Variants in RPS6KA2 observed in about 807,000 individuals in gnomAD.
RPS6KA2 encodes the protein ribosomal protein S6 kinase alpha-2.
In RPS6KA2, 42 loss-of-function variants were observed where a neutral mutation model predicts 91.8. The observed-to-expected ratio is 0.46, with a 90% CI of 0.36 to 0.59. The LOEUF (loss-of-function observed/expected upper bound fraction) is 0.59. Ranked by LOEUF, RPS6KA2 falls within the 20% of genes least tolerant of loss-of-function variation. The pLI, the probability that RPS6KA2 is intolerant of heterozygous loss-of-function variation, is 0.00. For missense variants in RPS6KA2, 798 were observed against 978.5 expected, an observed-to-expected ratio of 0.82 and a Z score of 2.46; for synonymous variants, 414 against 393.6, an observed-to-expected ratio of 1.05 and a Z score of -0.61.
chr6:166,418,148 T>TC lies in RPS6KA2; in HGVS notation c.1938+76dup. ...ACCTATACTACTTACATAAAACCTA[T>TC]CCCCTGGCTTCCTCAGAAATCATAT... is the stretch of plus-strand genomic sequence containing the variant. On this transcript the variant is annotated intron_variant, in intron 19 of 20. Transcript: ENST00000265678. This position sits in a 1 kb window ranked among gnomAD's most constrained non-coding sequence, Gnocchi z 4.9. 5 of 957,958 alleles carry TC rather than the reference T, an allele frequency of 5.2e-6. No homozygotes were observed. Among genetic ancestry groups the TC allele is most frequent in the South Asian group, 4.3e-5 (3 of 70,158 alleles). 59.3% of individuals were successfully genotyped at this position (957,958 alleles called of 1,614,324 possible).
chr6:166,724,326 G>A (rs1000237573), intron 2 of RPS6KA2, among the ~76,000 whole-genome samples: 4 of 151,856 alleles, frequency 2.6e-5, no homozygotes, highest in African/African-American at 7.3e-5. Context: ...ATTTATGGAG[G>A]TCCACGGCAG....
chr6:166,533,998 G>A lies in RPS6KA2; in HGVS notation c.217-2685C>T, dbSNP rs112951973. 0.05 allele frequency among the ~76,000 whole-genome samples: 7,557 copies of A among 152,014 alleles called. 601 individuals are homozygous for A. The highest frequency in any genetic ancestry group is 0.17 in the African/African-American group (7,150 of 41,438). ...AGCACTTTGGGAGGCCGAGGCGGGC[G>A]GATCACGAGGTCAGGAGATTGAGAC... On this transcript the variant is annotated intron_variant, in intron 2 of 20. Transcript: ENST00000265678. This position sits in a 1 kb window ranked among gnomAD's most constrained non-coding sequence, Gnocchi z 4.0.
intron 13 of RPS6KA2, among the ~76,000 whole-genome samples, chr6:166,449,832 CACCACGGGACA>C (rs1324579830): frequency 1.6e-5 from 2 of 126,124 alleles, no homozygotes. Context: ...CCACAGGGAC[CACCACGGGACA>C]ACCACGAGGA....
intron 12 of RPS6KA2, among the ~76,000 whole-genome samples, chr6:166,457,844 C>T (rs1780152749): frequency 6.6e-6 from 1 of 152,214 alleles, no homozygotes; most frequent in Admixed American, 6.5e-5. Flanking sequence ...ACTTCATCTA[C>T]CTGACATTTT....
At chr6:166,771,413 C>A (rs1778469656) in intron 2 of RPS6KA2, among the ~76,000 whole-genome samples, 1 of 152,210 alleles carries the variant, frequency 6.6e-6, no homozygotes, top group Admixed American at 6.5e-5. Flanking sequence ...AGGGCTTAAA[C>A]CCGGAAGCGC....
At chr6:166,834,662 G>A (rs1031632411) in intron 2 of RPS6KA2, among the ~76,000 whole-genome samples, 1 of 152,000 alleles carries the variant, frequency 6.6e-6, no homozygotes, top group Non-Finnish European at 1.5e-5. Context: ...ATTTTTATTG[G>A]GTGGTTGTCT....
At chr6:166,681,015 C>G (rs920583460) in intron 2 of RPS6KA2, among the ~76,000 whole-genome samples, 1 of 152,218 alleles carries the variant, frequency 6.6e-6, no homozygotes, top group Admixed American at 6.5e-5. Context: ...ACAGCAGCCG[C>G]TTGTCTCTCC....
intron 1 of RPS6KA2, among the ~76,000 whole-genome samples, chr6:166,549,153 A>C (rs1413089166): frequency 6.6e-6 from 1 of 152,188 alleles, no homozygotes; most frequent in African/African-American, 2.4e-5. Context: ...TTGCTAAAAT[A>C]AAAAAATAGT....
chr6:166,824,554 ATG>A (rs754466086), intron 2 of RPS6KA2, among the ~76,000 whole-genome samples: 2 of 151,590 alleles, frequency 1.3e-5, no homozygotes, highest in African/African-American at 4.8e-5. Context: ...GTGTGTCTAT[ATG>A]TGTGTGTCTA....
At chr6:166,566,106 T>G (rs999177680) in intron 1 of RPS6KA2, among the ~76,000 whole-genome samples, 1 of 152,046 alleles carries the variant, frequency 6.6e-6, no homozygotes, top group African/African-American at 2.4e-5. Flanking sequence ...CAGTGTGAGG[T>G]GTGTGACAGC....
rs1239869493 is a variant in RPS6KA2, at chr6:166,413,871, G to T, written c.1999C>A (p.Leu667Ile). Reference sequence around the variant, plus strand: ...CTGTTGACCACCCACGGGTGTTTGAGCACTTGCATCGCCGTCAGGCGCTGA... The same window carrying T: ...CTGTTGACCACCCACGGGTGTTTGATCACTTGCATCGCCGTCAGGCGCTGA... ...PHQRLTAMQV[L>I]KHPWVVNREY... is the part of the protein sequence containing the mutation. Residue 667 changes from leucine to isoleucine, a missense_variant, in exon 20 of 21, where the codon CTC becomes ATC. By Grantham distance (5) the Leu-to-Ile change is conservative. Coordinates refer to ENST00000265678, the MANE Select transcript of RPS6KA2 (RefSeq NM_021135.6). 2 of 1,614,032 alleles carry T rather than the reference G, an allele frequency of 1.2e-6. No individual in the cohort carries two copies. The highest frequency in any genetic ancestry group is 2.7e-5 in the African/African-American group (2 of 74,944).
intron 2 of RPS6KA2, among the ~76,000 whole-genome samples, chr6:166,826,517 T>C (rs1780051873): frequency 6.6e-6 from 1 of 152,242 alleles, no homozygotes; most frequent in African/African-American, 2.4e-5. Context: ...CACACCTCCT[T>C]GCAGACAACT....
chr6:166,611,362 C>T (rs553058999), intron 1 of RPS6KA2, among the ~76,000 whole-genome samples: 4 of 152,316 alleles, frequency 2.6e-5, no homozygotes, highest in Non-Finnish European at 5.9e-5. Context: ...GTATCACTAG[C>T]CTGTAGCTGC....
At chr6:166,471,050 C>T (rs190632470) in intron 10 of RPS6KA2, among the ~76,000 whole-genome samples, 4 of 152,270 alleles carry the variant, frequency 2.6e-5, no homozygotes, top group East Asian at 3.9e-4. Context: ...CCCTGGGGCC[C>T]GGCTCCCCTG....
intron 2 of RPS6KA2, among the ~76,000 whole-genome samples, chr6:166,687,582 C>G (rs1393916422): frequency 6.6e-6 from 1 of 152,190 alleles, no homozygotes; most frequent in Non-Finnish European, 1.5e-5. Context: ...AGCCAGCTGA[C>G]TCCACTCTAT....
intron 3 of RPS6KA2, among the ~76,000 whole-genome samples, chr6:166,513,738 A>T (rs929654480): frequency 2.6e-5 from 4 of 152,244 alleles, no homozygotes; most frequent in Non-Finnish European, 4.4e-5. Context: ...GAGAGGGGCC[A>T]TGAATGGAAA....
At chr6:166,798,091 G>A (rs904779944) in intron 2 of RPS6KA2, among the ~76,000 whole-genome samples, 6 of 152,190 alleles carry the variant, frequency 3.9e-5, no homozygotes, top group African/African-American at 4.8e-5. Flanking sequence ...GAGCAAAATC[G>A]AATATGCGAT....
chr6:166,785,094 ATCTG>A (rs1778895858), intron 2 of RPS6KA2, among the ~76,000 whole-genome samples: 1 of 152,218 alleles, frequency 6.6e-6, no homozygotes. Flanking sequence ...GCGTCTACCT[ATCTG>A]TCTGCATCTT....
intron 2 of RPS6KA2, among the ~76,000 whole-genome samples, chr6:166,854,067 A>G (rs1583181447): frequency 1.3e-5 from 2 of 152,324 alleles, no homozygotes; most frequent in South Asian, 2.1e-4. Context: ...TCAGAATATG[A>G]AGGATGCCTG....
Sources: allele counts gnomAD v4.1 joint callset (sites outside exome capture counted in the v4.1 genomes callset), GRCh38; gene constraint gnomAD v4.1.1; non-coding constraint Gnocchi (gnomAD v3.1); transcripts MANE v1.5; gene names NCBI Gene and HGNC (gene_info 2026-07-23, HGNC 2026-07-21).